The following HMCN1 variants were observed in gnomAD, a reference collection of about 807,000 sequenced individuals.
The protein encoded by HMCN1 is hemicentin-1.
A neutral mutation model predicts 625.9 loss-of-function variants in HMCN1; 321 were observed. That is an observed-to-expected ratio of 0.51 (90% CI 0.47 to 0.56). The LOEUF (loss-of-function observed/expected upper bound fraction) is 0.56, where lower values mean the gene tolerates loss of function less well. Among genes scored for constraint, HMCN1 ranks in the 20% least tolerant of loss-of-function variants. The probability of loss-of-function intolerance (pLI) is 0.00; values close to 1 mark genes in which losing one functional copy is unlikely to be tolerated. For missense variants in HMCN1, 6,588 were observed against 6,887.3 expected (o/e 0.96, Z 1.54); for synonymous variants, 2,425 against 2,417.6 (o/e 1.00, Z -0.09).
intron 36 of HMCN1, among the ~76,000 whole-genome samples, chr1:186,029,723 T>C (rs1229596146): frequency 6.6e-6 from 1 of 151,894 alleles, no homozygotes; most frequent in Non-Finnish European, 1.5e-5. Context: ...CTTCTCTATT[T>C]AATTTGTATA....
chr1:185,784,114 C>T (rs1370970328), intron 1 of HMCN1, among the ~76,000 whole-genome samples: 1 of 152,228 alleles, frequency 6.6e-6, no homozygotes, highest in Non-Finnish European at 1.5e-5. Context: ...GCTGTGCTAG[C>T]AATGAGCAAG....
At chr1:185,838,284 C>T (rs1329559714) in intron 1 of HMCN1, among the ~76,000 whole-genome samples, 1 of 152,180 alleles carries the variant, frequency 6.6e-6, no homozygotes, top group East Asian at 1.9e-4. Context: ...GATCTGTAAG[C>T]CTCAGCGCTG....
At chr1:186,037,508 T>C (rs1160577463) in intron 36 of HMCN1, among the ~76,000 whole-genome samples, 2 of 152,152 alleles carry the variant, frequency 1.3e-5, no homozygotes, top group Non-Finnish European at 2.9e-5. Context: ...TTTTCTGAAA[T>C]AGCTTAAGAC....
intron 2 of HMCN1, among the ~76,000 whole-genome samples, chr1:185,859,787 T>C: frequency 6.6e-6 from 1 of 152,070 alleles, no homozygotes; most frequent in Non-Finnish European, 1.5e-5. Flanking sequence ...TGCCTCAGCC[T>C]CCTGAGTAGC....
At position 185,735,064 on chromosome 1, in the gene HMCN1, T is replaced by C; in HGVS notation, c.268+17T>C. ...ATGATCCAGGTAAGGGAAATATTTA[T>C]ACTTTGTCTTTGCTATGTCTCATGA... On this transcript the variant is annotated intron_variant, in intron 1 of 106. Transcript: ENST00000271588. 3 of 1,611,854 alleles carry C rather than the reference T, an allele frequency of 1.9e-6. No homozygotes were observed. The highest frequency in any genetic ancestry group is 2.5e-6 in the Non-Finnish European group (3 of 1,177,852).
chr1:185,883,443 C>A (rs1054404945), intron 4 of HMCN1, among the ~76,000 whole-genome samples: 1 of 151,974 alleles, frequency 6.6e-6, no homozygotes, highest in East Asian at 1.9e-4. Context: ...CTGTTGACAA[C>A]TGATTTGTTT....
chr1:186,087,110 A>G (rs1644376969), intron 58 of HMCN1, 107 bp from the exon 59 acceptor site: 1 of 758,582 alleles, frequency 1.3e-6, no homozygotes, highest in Non-Finnish European at 2.4e-6. Flanking sequence ...TTCTCTATAA[A>G]TTTTACTCTA....
chr1:185,994,082 A>G (rs917917248), intron 23 of HMCN1, among the ~76,000 whole-genome samples: 6 of 152,148 alleles, frequency 3.9e-5, no homozygotes, highest in Non-Finnish European at 8.8e-5. Flanking sequence ...GTTGTTAGTG[A>G]CAACCTTTAG....
chr1:185,852,720 C>A (rs978930337), intron 2 of HMCN1, among the ~76,000 whole-genome samples: 5 of 151,264 alleles, frequency 3.3e-5, no homozygotes, highest in Admixed American at 2.6e-4. Flanking sequence ...AGAACAGTGG[C>A]CAAAGTACAG....
At chr1:186,139,539 C>T (rs910979313) in intron 89 of HMCN1, among the ~76,000 whole-genome samples, 3 of 150,792 alleles carry the variant, frequency 2.0e-5, no homozygotes, top group Non-Finnish European at 2.9e-5. Flanking sequence ...AGTAACTATT[C>T]GCCTACTACT....
At chr1:186,168,266 AAACTGCACTAAGAAAAATCTTTT>A (rs1422229614) in intron 100 of HMCN1, among the ~76,000 whole-genome samples, 1 of 151,430 alleles carries the variant, frequency 6.6e-6, no homozygotes, top group African/African-American at 2.4e-5. Flanking sequence ...GAAGAAAAAA[AAACTGCACTAAGAAAAATCTTTT>A]AAAAGTATGT....
chr1:186,154,979 A>T (rs186426493), intron 97 of HMCN1, among the ~76,000 whole-genome samples: 62 of 152,262 alleles, frequency 4.1e-4, no homozygotes, highest in African/African-American at 1.5e-3. Flanking sequence ...TTAAATGTTT[A>T]TGTGACTTTA....
intron 11 of HMCN1, among the ~76,000 whole-genome samples, chr1:185,946,216 A>T (rs1192181291): frequency 1.3e-5 from 2 of 152,232 alleles, no homozygotes; most frequent in Non-Finnish European, 2.9e-5. Flanking sequence ...TTTATCTATC[A>T]ACATACGTTA....
At chr1:186,087,376 T>C in intron 59 of HMCN1, 46 bp downstream of exon 59, 6 of 1,596,504 alleles carry the variant, frequency 3.8e-6, no homozygotes, top group Non-Finnish European at 5.2e-6. Context: ...TTAAAACTGG[T>C]ATTCAATATT....
chr1:186,003,436 T>C (rs1653327195), intron 28 of HMCN1, among the ~76,000 whole-genome samples: 1 of 152,164 alleles, frequency 6.6e-6, no homozygotes, highest in Non-Finnish European at 1.5e-5. Context: ...CATTCTAAAC[T>C]ACTTTTGCAT....
intron 19 of HMCN1, among the ~76,000 whole-genome samples, chr1:185,984,906 T>C (rs756940419): frequency 6.6e-6 from 1 of 152,180 alleles, no homozygotes; most frequent in Non-Finnish European, 1.5e-5. Flanking sequence ...AACTTTTTAA[T>C]ATACTTTTTA....
chr1:186,055,849 A>G (rs546636943), intron 45 of HMCN1, among the ~76,000 whole-genome samples, 175 bp downstream of exon 45: 127 of 152,108 alleles, frequency 8.3e-4, no homozygotes, highest in African/African-American at 2.9e-3. Context: ...CTGACCTCAC[A>G]TTATTTACCT....
At chr1:186,169,361 C>T (rs907973672) in intron 100 of HMCN1, among the ~76,000 whole-genome samples, 4 of 151,984 alleles carry the variant, frequency 2.6e-5, no homozygotes, top group African/African-American at 9.7e-5. Flanking sequence ...TATGTGGAAC[C>T]AAAAAAGAGC....
intron 1 of HMCN1, among the ~76,000 whole-genome samples, chr1:185,746,471 C>T (rs973326323): frequency 8.5e-5 from 13 of 152,190 alleles, no homozygotes; most frequent in African/African-American, 2.9e-4. Context: ...AAATCTGTTT[C>T]ATGCCTGTCT....
Sources: gnomAD v4.1 joint callset for allele counts (sites outside exome capture counted in the v4.1 genomes callset) on GRCh38, gnomAD v4.1.1 for gene constraint, MANE v1.5 for transcripts, NCBI Gene and HGNC (gene_info 2026-07-23, HGNC 2026-07-21) for gene names.